LINGO2: variants seen among roughly 807,000 people sequenced by gnomAD.
The protein encoded by LINGO2 is leucine-rich repeat and immunoglobulin-like domain-containing nogo receptor-interacting protein 2.
Under a neutral mutation model 30.6 loss-of-function variants are expected in LINGO2, and 14 were observed. The observed-to-expected ratio is 0.46, with a 90% CI of 0.30 to 0.72. The LOEUF is 0.72. LINGO2 is among the 30% of genes least tolerant of loss of function. LINGO2 has a pLI of 0.07. For synonymous variants in LINGO2, 317 were observed against 288.5 expected (o/e 1.10, Z -1.00); for missense variants, 729 against 751.7 (o/e 0.97, Z 0.35).
chr9:28,725,112 C>A, the LINGO2 span, among the ~76,000 whole-genome samples: 115 of 151,808 alleles, frequency 7.6e-4, 1 homozygote, highest in Middle Eastern at 0.014. Context: ...TTCCATGAGG[C>A]AAACTTTTTA....
the LINGO2 span, among the ~76,000 whole-genome samples, chr9:28,831,320 G>A: frequency 6.6e-6 from 1 of 152,262 alleles, no homozygotes; most frequent in African/African-American, 2.4e-5. Context: ...AATAGGGACT[G>A]TATAATAATC....
At chr9:28,985,168 T>TCCATC in the LINGO2 span, among the ~76,000 whole-genome samples, 2 of 152,246 alleles carry the variant, frequency 1.3e-5, no homozygotes, top group Non-Finnish European at 2.9e-5. Context: ...ATTCTCCAAT[T>TCCATC]CCATCCAAGT....
chr9:28,226,643 GA>G (rs1479230473), intron 4 of LINGO2, among the ~76,000 whole-genome samples: 2 of 30,572 alleles, frequency 6.5e-5, no homozygotes, highest in Non-Finnish European at 1.4e-4. Context: ...AGGAAAGAAG[GA>G]AAGAAAGAAA....
chr9:28,543,900 T>C (rs1587831396), intron 1 of LINGO2, among the ~76,000 whole-genome samples: 1 of 152,106 alleles, frequency 6.6e-6, no homozygotes, highest in South Asian at 2.1e-4. Flanking sequence ...CAAGCAATTA[T>C]GAATCTAACA....
the LINGO2 span, among the ~76,000 whole-genome samples, chr9:29,096,533 G>A: frequency 2.1e-5 from 3 of 139,734 alleles, 1 homozygote; most frequent in African/African-American, 8.0e-5. Context: ...TGATCCGCCC[G>A]CCTTGGCCTC....
At chr9:29,007,223 G>A in the LINGO2 span, among the ~76,000 whole-genome samples, 1 of 151,848 alleles carries the variant, frequency 6.6e-6, no homozygotes, top group African/African-American at 2.4e-5. Context: ...TTCTTCCCAG[G>A]TCATGTCATA....
At chr9:28,171,687 C>T (rs1828587104) in intron 4 of LINGO2, among the ~76,000 whole-genome samples, 1 of 151,962 alleles carries the variant, frequency 6.6e-6, no homozygotes, top group Non-Finnish European at 1.5e-5. Context: ...AAAATGTGGG[C>T]CTCTGGATCC....
At chr9:28,038,947 A>T (rs911622019) in intron 4 of LINGO2, among the ~76,000 whole-genome samples, 1 of 152,192 alleles carries the variant, frequency 6.6e-6, no homozygotes, top group Non-Finnish European at 1.5e-5. Flanking sequence ...TCTTCCAAAT[A>T]AACCTTCTGA....
At chr9:28,304,006 T>G (rs1824247202) in intron 3 of LINGO2, among the ~76,000 whole-genome samples, 1 of 152,030 alleles carries the variant, frequency 6.6e-6, no homozygotes, top group Non-Finnish European at 1.5e-5. Context: ...ATACAGACAT[T>G]TATAAGGATA....
intron 2 of LINGO2, among the ~76,000 whole-genome samples, chr9:28,411,030 T>C (rs1405917492): frequency 2.6e-5 from 4 of 152,132 alleles, no homozygotes; most frequent in African/African-American, 7.2e-5. Flanking sequence ...TGCCTACCTC[T>C]GAAGGCTGCT....
chr9:27,954,292 C>T (rs982224028), intron 5 of LINGO2, among the ~76,000 whole-genome samples: 32 of 152,134 alleles, frequency 2.1e-4, no homozygotes, highest in Admixed American at 3.9e-4. Context: ...CTGATTCCTT[C>T]TGTCTAACTG....
chr9:28,499,397 C>G (rs572200183), intron 1 of LINGO2, among the ~76,000 whole-genome samples: 9 of 152,124 alleles, frequency 5.9e-5, no homozygotes, highest in Admixed American at 1.3e-4. Flanking sequence ...GTTCCAGGAG[C>G]CTGTTGTCAA....
At chr9:28,702,247 T>A in the LINGO2 span, among the ~76,000 whole-genome samples, 2 of 151,886 alleles carry the variant, frequency 1.3e-5, no homozygotes, top group Non-Finnish European at 2.9e-5. Context: ...AATATGAAGT[T>A]AACTTTAGAA....
chr9:28,447,453 T>C (rs532911547), intron 2 of LINGO2, among the ~76,000 whole-genome samples: 181 of 152,312 alleles, frequency 1.2e-3, no homozygotes, highest in Non-Finnish European at 2.1e-3. Flanking sequence ...GATCTTGGAC[T>C]TCCCAGTTTC....
At chr9:29,129,996 C>T in the LINGO2 span, among the ~76,000 whole-genome samples, 1 of 152,152 alleles carries the variant, frequency 6.6e-6, no homozygotes, top group South Asian at 2.1e-4. Context: ...TGGTAAAAAG[C>T]ATAGGAATGT....
At chr9:28,792,504 G>A in the LINGO2 span, among the ~76,000 whole-genome samples, 1 of 151,984 alleles carries the variant, frequency 6.6e-6, no homozygotes, top group Non-Finnish European at 1.5e-5. Flanking sequence ...GTATGCATGC[G>A]AAAGAGAATG....
At chr9:29,179,176 T>C in the LINGO2 span, among the ~76,000 whole-genome samples, 4 of 86,764 alleles carry the variant, frequency 4.6e-5, no homozygotes, top group Admixed American at 1.5e-4. Flanking sequence ...TATATATATA[T>C]ATATATATAT....
At chr9:28,282,791 G>A (rs1188984856) in intron 4 of LINGO2, among the ~76,000 whole-genome samples, 1 of 152,080 alleles carries the variant, frequency 6.6e-6, no homozygotes, top group African/African-American at 2.4e-5. Context: ...CTCTTTCAGT[G>A]CTTCAGATTT....
At chr9:28,350,405 G>T (rs1363862856) in intron 3 of LINGO2, among the ~76,000 whole-genome samples, 2 of 148,876 alleles carry the variant, frequency 1.3e-5, no homozygotes, top group African/African-American at 4.9e-5. Flanking sequence ...GACAAAGAAG[G>T]CCATTACATA....
Sources: gnomAD v4.1 joint callset for allele counts (sites outside exome capture counted in the v4.1 genomes callset) on GRCh38, gnomAD v4.1.1 for gene constraint, MANE v1.5 for transcripts, NCBI Gene and HGNC (gene_info 2026-07-23, HGNC 2026-07-21) for gene names.